The following UGGT2 variants were observed in gnomAD, a reference collection of about 807,000 sequenced individuals.
UGGT2 encodes UDP-glucose glycoprotein glucosyltransferase 2, also known as UDP-glucose:glycoprotein glucosyltransferase 2.
In UGGT2, 180 loss-of-function variants were observed where a neutral mutation model predicts 192.1. That is an observed-to-expected ratio of 0.94 (90% CI 0.83 to 1.06). The LOEUF is 1.06. Ranked by LOEUF, UGGT2 falls within the 50% of genes least tolerant of loss-of-function variation. The pLI is 0.00. For synonymous variants in UGGT2, 580 were observed against 591.0 expected (o/e 0.98, Z 0.27); for missense variants, 1,849 against 1,795.7 (o/e 1.03, Z -0.54).
intron 25 of UGGT2, among the ~76,000 whole-genome samples, chr13:95,889,373 T>C (rs1164347715): frequency 2.6e-5 from 4 of 152,160 alleles, no homozygotes; most frequent in Admixed American, 6.5e-5. Context: ...CCAAAATTAT[T>C]TGTCTCCACT....
chr13:95,987,231 TA>T (rs1214210374), intron 8 of UGGT2, among the ~76,000 whole-genome samples: 1 of 152,156 alleles, frequency 6.6e-6, no homozygotes, highest in Non-Finnish European at 1.5e-5. Flanking sequence ...ATGTTTTATA[TA>T]TTCTCTCTAC....
At chr13:95,856,520 T>A in intron 33 of UGGT2, 180 bp from the exon 34 acceptor site, 3 of 573,742 alleles carry the variant, frequency 5.2e-6, no homozygotes, top group Non-Finnish European at 8.8e-6. Flanking sequence ...TGCTAACAAA[T>A]ATGAAATCAC....
At chr13:95,824,892 T>A (rs987351586) in intron 38 of UGGT2, among the ~76,000 whole-genome samples, 1 of 152,146 alleles carries the variant, frequency 6.6e-6, no homozygotes, top group African/African-American at 2.4e-5. Context: ...TCCTTCTCAT[T>A]TGGGTATACT....
intron 38 of UGGT2, chr13:95,832,637 C>T (rs1886833207): frequency 2.2e-6 from 1 of 449,402 alleles, no homozygotes; most frequent in Non-Finnish European, 4.3e-6. Context: ...TAAAGACAAA[C>T]ACTCCTTTTA....
intron 19 of UGGT2, among the ~76,000 whole-genome samples, chr13:95,926,121 T>C (rs1290473501): frequency 6.6e-6 from 1 of 152,014 alleles, no homozygotes; most frequent in Non-Finnish European, 1.5e-5. Flanking sequence ...AAAAAAAAAT[T>C]TATGTCCCAA....
intron 1 of UGGT2, among the ~76,000 whole-genome samples, chr13:96,042,393 G>A (rs2053190458): frequency 1.3e-5 from 2 of 152,124 alleles, no homozygotes; most frequent in African/African-American, 2.4e-5. Flanking sequence ...CCTTCCCTCT[G>A]ACAGAGCCTA....
At chr13:96,029,133 A>G (rs904753073) in intron 2 of UGGT2, among the ~76,000 whole-genome samples, 1 of 152,150 alleles carries the variant, frequency 6.6e-6, no homozygotes, top group Admixed American at 6.5e-5. Flanking sequence ...CCTGGGCGAC[A>G]CAGTGAGACA....
At chr13:96,011,845 C>G (rs1176011196) in intron 5 of UGGT2, among the ~76,000 whole-genome samples, 1 of 151,978 alleles carries the variant, frequency 6.6e-6, no homozygotes, top group Non-Finnish European at 1.5e-5. Context: ...AAAATATGTT[C>G]ATAGAAGGCA....
At position 95,990,041 on chromosome 13, in the gene UGGT2, G is replaced by A; in HGVS notation, c.863C>T (p.Thr288Ile). The A allele has an allele frequency of 6.2e-7, 1 of 1,604,062 alleles. No homozygotes were observed. The part of the protein sequence containing the change: ...EIYSDLRDNL[T>I]AFQKYLIESN... ...CTCAATCAGGTATTTTTGGAATGCT[G>A]TCAGATTATCTCTAAGATCTGAATA... The change falls in exon 8 of 39, where the codon ACA (threonine) becomes ATA (isoleucine). Residue 288 changes from threonine (T) to isoleucine (I), a missense_variant. Thr to Ile is a moderately conservative substitution (Grantham distance 89). Coordinates refer to ENST00000376747, the MANE Select transcript of UGGT2 (RefSeq NM_020121.4).
chr13:95,870,004 T>A (rs961096132), intron 29 of UGGT2, among the ~76,000 whole-genome samples: 2 of 152,250 alleles, frequency 1.3e-5, no homozygotes, highest in Non-Finnish European at 2.9e-5. Context: ...ATTGGCTTCA[T>A]ATTTTTCATC....
intron 38 of UGGT2, among the ~76,000 whole-genome samples, chr13:95,832,497 G>A (rs3125432): frequency 0.86 from 131,337 of 152,016 alleles, 57,943 homozygotes; most frequent in Middle Eastern, 0.95. Context: ...ACAAACACGT[G>A]GGGAAACCTC....
At chr13:96,046,856 G>A (rs2053327851) in intron 1 of UGGT2, among the ~76,000 whole-genome samples, 1 of 152,204 alleles carries the variant, frequency 6.6e-6, no homozygotes, top group South Asian at 2.1e-4. Flanking sequence ...CATGTCCACG[G>A]AGCCTCCCTC....
At chr13:95,859,366 C>G (rs576674994) in intron 33 of UGGT2, among the ~76,000 whole-genome samples, 1 of 152,116 alleles carries the variant, frequency 6.6e-6, no homozygotes, top group East Asian at 1.9e-4. Context: ...AACTACTAGC[C>G]ATTCTGATTT....
chr13:95,854,502 T>TA (rs1302424225), intron 34 of UGGT2, 27 bp from the exon 35 acceptor site: 1 of 1,549,590 alleles, frequency 6.5e-7, no homozygotes, highest in Admixed American at 2.1e-5. Flanking sequence ...GACTGTCTGA[T>TA]AAAGACTGTA....
chr13:95,923,613 C>T (rs1247116427), intron 20 of UGGT2, among the ~76,000 whole-genome samples: 1 of 152,160 alleles, frequency 6.6e-6, no homozygotes, highest in Non-Finnish European at 1.5e-5. Context: ...ATAAGCTACA[C>T]ATTCAAAATT....
At chr13:95,842,964 CTGTT>C (rs754710639) in intron 36 of UGGT2, among the ~76,000 whole-genome samples, 4 of 152,200 alleles carry the variant, frequency 2.6e-5, no homozygotes, top group Non-Finnish European at 5.9e-5. Flanking sequence ...TCCACACAAA[CTGTT>C]TGTTGTTTTA....
chr13:95,932,311 T>TTGTGTGTGTGTGTGTG lies in UGGT2; in HGVS notation c.1977+4597_1977+4612dup, dbSNP rs67135742. Among the ~76,000 whole-genome samples the TTGTGTGTGTGTGTGTG allele has an allele frequency of 1.7e-3, 237 of 139,504 alleles. 1 individual carries two copies. Among genetic ancestry groups the TTGTGTGTGTGTGTGTG allele is most frequent in the East Asian group, 2.4e-3 (11 of 4,662 alleles). The allele number at this position is 139,504 out of a possible 152,430, so 91.5% of individuals were successfully genotyped here. A position where few individuals can be genotyped will look rare whatever the true frequency, so the allele number is the denominator to read the frequency against. ...TTAGCTGTATTCCTAGGTATTTTAT[T>TTGTGTGTGTGTGTGTG]TGTGTGTGTGTGTGTGTGTGTGTGT... On this transcript the variant is annotated intron_variant, in intron 17 of 38. Transcript: ENST00000376747.
At chr13:95,870,604 G>C (rs1053641589) in intron 29 of UGGT2, among the ~76,000 whole-genome samples, 4 of 152,186 alleles carry the variant, frequency 2.6e-5, no homozygotes, top group African/African-American at 9.7e-5. Context: ...TGGTTGGTCA[G>C]TTCCTTGGCT....
chr13:95,958,190 C>T (rs1369230180), intron 12 of UGGT2, among the ~76,000 whole-genome samples: 7 of 151,634 alleles, frequency 4.6e-5, no homozygotes, highest in East Asian at 3.9e-4. Flanking sequence ...CTTGCTCTGT[C>T]GCCCAGGCTG....
Sources: gnomAD v4.1 joint callset for allele counts (sites outside exome capture counted in the v4.1 genomes callset) on GRCh38, gnomAD v4.1.1 for gene constraint, MANE v1.5 for transcripts, NCBI Gene and HGNC (gene_info 2026-07-23, HGNC 2026-07-21) for gene names.